The following DOK5 variants were observed in gnomAD, a reference collection of about 807,000 sequenced individuals.
DOK5 encodes the protein docking protein 5, also known as downstream of tyrosine kinase 5.
A neutral mutation model predicts 43.3 loss-of-function variants in DOK5; 27 were observed. The ratio of observed to expected loss-of-function variants is 0.62; its 90% CI spans 0.46 to 0.86. DOK5 has a LOEUF of 0.86. Among genes scored for constraint, DOK5 ranks in the 40% least tolerant of loss-of-function variants. The probability of loss-of-function intolerance (pLI) is 0.00; values close to 1 mark genes in which losing one functional copy is unlikely to be tolerated. For missense variants in DOK5, 373 were observed against 392.9 expected, an observed-to-expected ratio of 0.95 and a Z score of 0.43; for synonymous variants, 146 against 140.1, an observed-to-expected ratio of 1.04 and a Z score of -0.30.
intron 2 of DOK5, among the ~76,000 whole-genome samples, chr20:54,584,804 C>T (rs1985755475): frequency 6.7e-6 from 1 of 148,458 alleles, no homozygotes. Flanking sequence ...CACACCTTTT[C>T]CAGTAAATTA....
chr20:54,603,148 A>G (rs1986349542), intron 5 of DOK5, among the ~76,000 whole-genome samples: 1 of 152,208 alleles, frequency 6.6e-6, no homozygotes, highest in Admixed American at 6.5e-5. Context: ...GTTGTTTGTG[A>G]ATGATGGATG....
At chr20:54,619,023 T>TTTTATATATATATA (rs1555836770) in intron 6 of DOK5, among the ~76,000 whole-genome samples, 2 of 43,394 alleles carry the variant, frequency 4.6e-5, no homozygotes, top group Non-Finnish European at 9.3e-5. Flanking sequence ...TTTCAATAAA[T>TTTTATATATATATA]TATATATATA....
chr20:54,640,143 AG>A lies in DOK5; in HGVS notation c.736-3314del, dbSNP rs1979035898. On this transcript the variant is annotated intron_variant, in intron 6 of 7. Coordinates refer to ENST00000262593, the MANE Select transcript of DOK5 (RefSeq NM_018431.5). Reference sequence around the variant, plus strand: ...TATGAAAGGAAAGCGGAGGACCCAGAGAAAACACAAGCAGGCATGGGGAGAA... The same window carrying A: ...TATGAAAGGAAAGCGGAGGACCCAGAAAAACACAAGCAGGCATGGGGAGAA... 3.3e-5 allele frequency among the ~76,000 whole-genome samples: 5 copies of A among 152,354 alleles called. No individual in the cohort carries two copies. The South Asian group carries it at 8.3e-4, about 25-fold the overall frequency.
intron 6 of DOK5, among the ~76,000 whole-genome samples, chr20:54,628,374 A>C (rs919038302): frequency 5.6e-5 from 7 of 125,160 alleles, no homozygotes; most frequent in African/African-American, 1.2e-4. Context: ...GCGCCACTGC[A>C]CTCCAGCCTG....
At chr20:54,592,297 T>A (rs1985999259) in intron 5 of DOK5, among the ~76,000 whole-genome samples, 1 of 152,168 alleles carries the variant, frequency 6.6e-6, no homozygotes, top group Non-Finnish European at 1.5e-5. Context: ...AGGATTCTCA[T>A]GAATACTGAA....
intron 5 of DOK5, among the ~76,000 whole-genome samples, chr20:54,607,861 C>T (rs564309018): frequency 2.1e-4 from 32 of 151,008 alleles, no homozygotes; most frequent in Non-Finnish European, 1.8e-4. Flanking sequence ...CCAGCCTGGG[C>T]GACAGAGCGA....
At chr20:54,544,363 A>G (rs1984267472) in intron 1 of DOK5, among the ~76,000 whole-genome samples, 1 of 152,202 alleles carries the variant, frequency 6.6e-6, no homozygotes, top group Non-Finnish European at 1.5e-5. Context: ...CAGCCTGTAT[A>G]TTATGACTGG....
rs371101576 is a variant in DOK5, at chr20:54,626,291, G to A, written c.735+15768G>A. Among the ~76,000 whole-genome samples, 6 of 152,006 alleles carry A rather than the reference G, an allele frequency of 3.9e-5. No individual in the cohort carries two copies. The East Asian group carries it at 1.2e-3, about 30-fold the overall frequency. On this transcript the variant is annotated intron_variant, in intron 6 of 7. Coordinates refer to ENST00000262593, the MANE Select transcript of DOK5 (RefSeq NM_018431.5). ...GCGGAGGTTTTTAGGTAGGAAGCAT[G>A]TGAGCAGAAAACCCAGTTAGGAGGC...
intron 6 of DOK5, among the ~76,000 whole-genome samples, chr20:54,620,291 T>G (rs1986938478): frequency 6.6e-6 from 1 of 152,176 alleles, no homozygotes; most frequent in Non-Finnish European, 1.5e-5. Context: ...CAGGCTGGAG[T>G]GCAGCGGTGC....
At chr20:54,554,493 T>C (rs1984642840) in intron 1 of DOK5, among the ~76,000 whole-genome samples, 2 of 152,208 alleles carry the variant, frequency 1.3e-5, no homozygotes, top group Non-Finnish European at 2.9e-5. Flanking sequence ...TCACCATCCA[T>C]TATGAGGAAT....
chr20:54,592,706 A>AT (rs1195235433), intron 5 of DOK5, among the ~76,000 whole-genome samples: 7 of 151,684 alleles, frequency 4.6e-5, no homozygotes, highest in African/African-American at 1.5e-4. Flanking sequence ...ACGCCTCGCT[A>AT]ATTTTTTTGT....
chr20:54,527,810 A>T (rs1983629860), intron 1 of DOK5, among the ~76,000 whole-genome samples: 1 of 152,222 alleles, frequency 6.6e-6, no homozygotes, highest in Non-Finnish European at 1.5e-5. Context: ...AGGGCTATGG[A>T]TATTAAGTGG....
chr20:54,621,093 G>C (rs1986961904), intron 6 of DOK5, among the ~76,000 whole-genome samples: 1 of 152,210 alleles, frequency 6.6e-6, no homozygotes, highest in African/African-American at 2.4e-5. Context: ...ATATGAGGCA[G>C]ATCTCAAGGT....
intron 7 of DOK5, among the ~76,000 whole-genome samples, chr20:54,649,981 A>G (rs1979623447): frequency 6.6e-6 from 1 of 152,210 alleles, no homozygotes; most frequent in Non-Finnish European, 1.5e-5. Flanking sequence ...CTGAAATCTA[A>G]ACCTGAAATA....
intron 1 of DOK5, among the ~76,000 whole-genome samples, chr20:54,528,993 T>C (rs1446557100): frequency 6.6e-6 from 1 of 152,200 alleles, no homozygotes; most frequent in Non-Finnish European, 1.5e-5. Flanking sequence ...TGTTAAAGCA[T>C]CTTTGCATCT....
At chr20:54,608,591 A>G (rs536361266) in intron 5 of DOK5, among the ~76,000 whole-genome samples, 12 of 152,074 alleles carry the variant, frequency 7.9e-5, no homozygotes, top group African/African-American at 2.7e-4. Context: ...AAATCACATG[A>G]TCAACCTCAT....
At chr20:54,540,127 G>A (rs1394022057) in intron 1 of DOK5, among the ~76,000 whole-genome samples, 1 of 152,020 alleles carries the variant, frequency 6.6e-6, no homozygotes, top group East Asian at 1.9e-4. Flanking sequence ...CCCTTTGGAA[G>A]CCCCAGGGAG....
chr20:54,548,662 T>C (rs1395136951), intron 1 of DOK5, among the ~76,000 whole-genome samples: 2 of 152,230 alleles, frequency 1.3e-5, no homozygotes, highest in African/African-American at 4.8e-5. Context: ...ATACTATAGA[T>C]GACAAGTAGA....
At chr20:54,522,908 G>T (rs1033667181) in intron 1 of DOK5, among the ~76,000 whole-genome samples, 7 of 152,200 alleles carry the variant, frequency 4.6e-5, no homozygotes, top group African/African-American at 1.7e-4. Context: ...TCTGAGCTTT[G>T]CCTCTGTCCT....
Sources: allele counts gnomAD v4.1 joint callset (sites outside exome capture counted in the v4.1 genomes callset), GRCh38; gene constraint gnomAD v4.1.1; transcripts MANE v1.5; gene names NCBI Gene and HGNC (gene_info 2026-07-23, HGNC 2026-07-21).